NFIC: variants seen among roughly 807,000 people sequenced by gnomAD.
The protein encoded by NFIC is nuclear factor I C, also known as nuclear factor 1 C-type.
NFIC carries 12 observed loss-of-function variants against 54.4 expected under a neutral mutation model. That is an observed-to-expected ratio of 0.22 (90% CI 0.14 to 0.36). NFIC has a LOEUF of 0.36. NFIC is among the 10% of genes least tolerant of loss of function. The pLI is 1.00. For synonymous variants in NFIC, 322 were observed against 319.2 expected (o/e 1.01, Z -0.09); for missense variants, 575 against 718.2 (o/e 0.80, Z 2.28).
Position 3,380,198 on chromosome 19 carries a change from G to A in NFIC, c.31-1514G>A, listed in dbSNP as rs1599575425. 4.1e-5 allele frequency among the ~76,000 whole-genome samples: 6 copies of A among 147,520 alleles called. 2 individuals carry two copies. The South Asian group carries it at 1.3e-3, about 32-fold the overall frequency. ...TTGTTTTTTTTTCAGTAGAGACGGG[G>A]TTTCACTGTGTTAGCCAGGATGGTC... On this transcript the variant is annotated intron_variant, in intron 1 of 10. Transcript: ENST00000443272.
chr19:3,395,914 G>A (rs1022811943), intron 2 of NFIC, among the ~76,000 whole-genome samples: 5 of 151,910 alleles, frequency 3.3e-5, no homozygotes, highest in East Asian at 1.9e-4. Flanking sequence ...TCCTGACCTC[G>A]GGTCCCAAAG....
intron 2 of NFIC, among the ~76,000 whole-genome samples, chr19:3,413,320 G>A (rs1334653717): frequency 6.6e-6 from 1 of 152,118 alleles, no homozygotes; most frequent in Non-Finnish European, 1.5e-5. Context: ...CCAATGAGAA[G>A]GAGCCCTGGA....
At chr19:3,447,782 G>T (rs2082394916) in intron 6 of NFIC, among the ~76,000 whole-genome samples, 1 of 152,238 alleles carries the variant, frequency 6.6e-6, no homozygotes, top group South Asian at 2.1e-4. Context: ...TTTGAACCCT[G>T]GACCACCTGC....
chr19:3,422,732 G>T (rs918441256), intron 2 of NFIC, among the ~76,000 whole-genome samples: 1 of 151,340 alleles, frequency 6.6e-6, no homozygotes, highest in African/African-American at 2.4e-5. Context: ...AAAAAGGAAA[G>T]TGACCTTCTC....
intron 2 of NFIC, among the ~76,000 whole-genome samples, chr19:3,410,196 A>G (rs368415538): frequency 9.2e-5 from 14 of 151,502 alleles, no homozygotes; most frequent in African/African-American, 2.7e-4. Context: ...GCCTGCCACC[A>G]CGCCCGGCTT....
At chr19:3,398,681 T>TGCTCCAGGCCAGCCCCACA (rs1179917347) in intron 2 of NFIC, among the ~76,000 whole-genome samples, 1 of 152,160 alleles carries the variant, frequency 6.6e-6, no homozygotes, top group Admixed American at 6.5e-5. Flanking sequence ...GACGCTCCCG[T>TGCTCCAGGCCAGCCCCACA]GCTCCAGGCC....
rs1430711705 is a variant in NFIC, at chr19:3,434,287, G to A, written c.720G>A (p.Val240=). Reference sequence around the variant, plus strand: ...TGTCACCCTCTGCAGCACCCGTGGTGACTGGAACAGGACCCAACTTCTCCC... The same window carrying A: ...TGTCACCCTCTGCAGCACCCGTGGTAACTGGAACAGGACCCAACTTCTCCC... ...ELIQVSRTPV[V]TGTGPNFSLG... Residue 240 remains valine, a synonymous_variant, in exon 5 of 11, where the codon GTG becomes GTA. Coordinates refer to ENST00000443272, the MANE Select transcript of NFIC (RefSeq NM_001245002.2). The A allele has an allele frequency of 1.2e-6, 2 of 1,611,314 alleles. No individual in the cohort carries two copies. The highest frequency in any genetic ancestry group is 2.2e-5 in the East Asian group (1 of 44,830).
intron 2 of NFIC, among the ~76,000 whole-genome samples, chr19:3,403,139 T>G (rs920307045): frequency 1.4e-4 from 21 of 152,196 alleles, no homozygotes; most frequent in Non-Finnish European, 2.1e-4. Flanking sequence ...GCTGCAGGCA[T>G]TTATTGAGTG....
Position 3,458,156 on chromosome 19 carries a change from A to G in NFIC, c.1509+1521A>G, listed in dbSNP as rs117699988. The stretch of plus-strand genomic sequence containing the variant: ...ATTAAGTACCCTGCCTTGCACCCAT[A>G]GAGCCCCGGAGAGGGAGTAACTTGG... On this transcript the variant is annotated intron_variant, in intron 10 of 10. Coordinates refer to ENST00000443272, the MANE Select transcript of NFIC (RefSeq NM_001245002.2). This position sits in a 1 kb window ranked among gnomAD's most constrained non-coding sequence, Gnocchi z 4.1. 0.015 allele frequency among the ~76,000 whole-genome samples: 2,300 copies of G among 152,284 alleles called. 33 individuals are homozygous for G. The highest frequency in any genetic ancestry group is 0.022 in the Non-Finnish European group (1,516 of 68,008).
At chr19:3,403,623 A>G (rs779708539) in intron 2 of NFIC, among the ~76,000 whole-genome samples, 1 of 152,174 alleles carries the variant, frequency 6.6e-6, no homozygotes, top group Non-Finnish European at 1.5e-5. Context: ...GAAGCCACAC[A>G]GCACCGGGCA....
At chr19:3,417,034 C>G (rs370505961) in intron 2 of NFIC, among the ~76,000 whole-genome samples, 1 of 144,158 alleles carries the variant, frequency 6.9e-6, no homozygotes, top group African/African-American at 2.4e-5. Flanking sequence ...CAGGCGCCCG[C>G]CACCAGGCCC....
chr19:3,363,232 T>TGTGTGTGC (rs201714015), upstream of NFIC, among the ~76,000 whole-genome samples: 3 of 52,992 alleles, frequency 5.7e-5, no homozygotes, highest in South Asian at 5.6e-4. Flanking sequence ...TATGTATGTG[T>TGTGTGTGC]ATGTGTGTGT....
intron 2 of NFIC, among the ~76,000 whole-genome samples, chr19:3,422,578 G>A (rs1040667297): frequency 5.3e-5 from 8 of 151,746 alleles, no homozygotes; most frequent in South Asian, 2.1e-4. Flanking sequence ...TTAGCCGGGC[G>A]TGGTGGCGGG....
chr19:3,442,300 G>A (rs1240343563), intron 6 of NFIC, among the ~76,000 whole-genome samples: 1 of 151,842 alleles, frequency 6.6e-6, no homozygotes, highest in Non-Finnish European at 1.5e-5. Flanking sequence ...CAAAGGTCCC[G>A]TCCACAGGCG....
intron 2 of NFIC, among the ~76,000 whole-genome samples, chr19:3,398,890 A>G (rs969774811): frequency 6.6e-6 from 1 of 152,216 alleles, no homozygotes; most frequent in South Asian, 2.1e-4. Flanking sequence ...GTGCGAATTC[A>G]TAGGCGAGCT....
At position 3,448,036 on chromosome 19, in the gene NFIC, C is replaced by T. The variant is rs534337305; in HGVS notation, c.959-978C>T. ...TCTCCTGCCTCAGCCTCCCAAGTAG[C>T]TGGGATTACAGGCGTGAGCCCCTGC... On this transcript the variant is annotated intron_variant, in intron 6 of 10. Coordinates refer to ENST00000443272, the MANE Select transcript of NFIC (RefSeq NM_001245002.2). Among the ~76,000 whole-genome samples the T allele has an allele frequency of 3.3e-5, 5 of 152,300 alleles. No individual in the cohort carries two copies. The South Asian group carries it at 1.0e-3, about 32-fold the overall frequency.
intron 2 of NFIC, among the ~76,000 whole-genome samples, chr19:3,424,678 C>T (rs1362157474): frequency 7.9e-5 from 12 of 152,094 alleles, no homozygotes; most frequent in African/African-American, 2.2e-4. Flanking sequence ...CCACCGTGCC[C>T]GGCCTGAACT....
At chr19:3,435,057 G>T in intron 5 of NFIC, 26 bp from the exon 6 acceptor site, 1 of 1,561,082 alleles carries the variant, frequency 6.4e-7, no homozygotes, top group Non-Finnish European at 8.7e-7. Flanking sequence ...CTGGTAACCA[G>T]CCTCTCCCCT....
chr19:3,415,012 G>A (rs762231228), intron 2 of NFIC, among the ~76,000 whole-genome samples: 20 of 151,650 alleles, frequency 1.3e-4, no homozygotes, highest in Non-Finnish European at 1.9e-4. Flanking sequence ...GCTAATTTTT[G>A]TATTTTTGGT....
Sources: gnomAD v4.1 joint callset for allele counts (sites outside exome capture counted in the v4.1 genomes callset) on GRCh38, gnomAD v4.1.1 for gene constraint, Gnocchi (gnomAD v3.1) non-coding constraint, MANE v1.5 for transcripts, NCBI Gene and HGNC (gene_info 2026-07-23, HGNC 2026-07-21) for gene names.